Variants in RFX1 observed in about 807,000 individuals in gnomAD.
RFX1 encodes regulatory factor X1.
A neutral mutation model predicts 119.6 loss-of-function variants in RFX1; 42 were observed. The ratio of observed to expected loss-of-function variants is 0.35; its 90% CI spans 0.27 to 0.45. The LOEUF (loss-of-function observed/expected upper bound fraction) is 0.45. RFX1 is among the 20% of genes least tolerant of loss of function. The pLI is 1.00. For synonymous variants in RFX1, 628 were observed against 618.5 expected, an observed-to-expected ratio of 1.02 and a Z score of -0.23; for missense variants, 1,118 against 1,368.1, an observed-to-expected ratio of 0.82 and a Z score of 2.88.
chr19:13,963,951 G>T lies in RFX1; in HGVS notation c.2268C>A (p.His756Gln). The T allele has an allele frequency of 6.5e-7, 1 of 1,543,934 alleles. No homozygotes were observed. ...QTLRRYTSLN[H>Q]LAQAARAVLQ... ...GCACAGCGCGCGCCGCCTGCGCCAG[G>T]TGGTTGAGCGACGTGTAGCGCCGCA... The change falls in exon 17 of 21, where the codon CAC becomes CAA. Residue 756 changes from histidine to glutamine, a missense_variant. By Grantham distance (24) the His-to-Gln change is conservative. Transcript: ENST00000254325.
chr19:13,964,441 C>T (rs1334461559), intron 16 of RFX1, among the ~76,000 whole-genome samples: 6 of 151,046 alleles, frequency 4.0e-5, no homozygotes, highest in Non-Finnish European at 5.9e-5. Context: ...GAGGGCACTG[C>T]ACAGAAAGGG....
At chr19:13,979,379 C>T in intron 7 of RFX1, 68 bp downstream of exon 7, 1 of 1,081,972 alleles carries the variant, frequency 9.2e-7, no homozygotes, top group Admixed American at 2.5e-5. Flanking sequence ...GCCTCAGGGG[C>T]CTGCACTCCC....
At chr19:13,984,412 C>T (rs767156790) in intron 2 of RFX1, among the ~76,000 whole-genome samples, 7 of 152,224 alleles carry the variant, frequency 4.6e-5, no homozygotes, top group South Asian at 2.1e-4. Context: ...CCCAGCAAAG[C>T]GGGGCCTTCG....
chr19:13,989,898 G>A (rs909215113), intron 2 of RFX1, among the ~76,000 whole-genome samples: 7 of 152,044 alleles, frequency 4.6e-5, no homozygotes, highest in Non-Finnish European at 7.3e-5. Context: ...AGGTGGAGCC[G>A]AGAGGTCTTA....
intron 1 of RFX1, among the ~76,000 whole-genome samples, chr19:13,995,709 G>A (rs1281438690): frequency 6.6e-6 from 1 of 152,026 alleles, no homozygotes; most frequent in Non-Finnish European, 1.5e-5. Context: ...AAATCAGCTG[G>A]GCATGGTGGC....
rs1399455365 is a variant in RFX1 at position 13,986,708 on chromosome 19, A to G, written c.320-3113T>C. Among the ~76,000 whole-genome samples the G allele has an allele frequency of 3.3e-5, 5 of 152,146 alleles. No individual in the cohort carries two copies. The highest frequency in any genetic ancestry group is 1.2e-4 in the African/African-American group (5 of 41,440). ...GATTTCCTGTCTCTGAATCTGACAC[A>G]TTAACATCTCTGAGCAGTGGAATGA... On this transcript the variant is annotated intron_variant, in intron 2 of 20. Transcript: ENST00000254325. The surrounding 1 kb of genome is among the most constrained non-coding windows in gnomAD (Gnocchi z 4.2).
intron 9 of RFX1, among the ~76,000 whole-genome samples, chr19:13,970,377 T>C (rs1423370273): frequency 6.6e-6 from 1 of 151,696 alleles, no homozygotes; most frequent in East Asian, 1.9e-4. Context: ...AGTTGCCATG[T>C]ATAGCTAAAT....
chr19:13,973,157 CAG>C, intron 8 of RFX1, 30 bp from the exon 9 acceptor site: 4 of 1,559,978 alleles, frequency 2.6e-6, no homozygotes, highest in African/African-American at 1.4e-5. Context: ...AAGGGAGAGT[CAG>C]GGGGATGAGA....
rs1599475980 is a variant in RFX1 at position 13,966,978 on chromosome 19, C to T, written c.1733-227G>A. Among the ~76,000 whole-genome samples the T allele has an allele frequency of 6.6e-6, 1 of 152,174 alleles. No homozygotes were observed. The highest frequency in any genetic ancestry group is 1.5e-5 in the Non-Finnish European group (1 of 68,016). On this transcript the variant is annotated intron_variant, in intron 12 of 20. Transcript: ENST00000254325. This position sits in a 1 kb window ranked among gnomAD's most constrained non-coding sequence, Gnocchi z 6.3. ...GTCTTGTGCCAGCCCTGCCTGTCTG[C>T]TGAGTAACAGCACTGCACCAACCCT...
At chr19:13,984,031 T>C (rs1974520011) in intron 2 of RFX1, among the ~76,000 whole-genome samples, 1 of 151,170 alleles carries the variant, frequency 6.6e-6, no homozygotes, top group Non-Finnish European at 1.5e-5. Context: ...TTCCCGGGAG[T>C]GGAAGCTGCT....
At chr19:13,991,999 G>T (rs1974822782) in intron 2 of RFX1, among the ~76,000 whole-genome samples, 1 of 152,026 alleles carries the variant, frequency 6.6e-6, no homozygotes, top group African/African-American at 2.4e-5. Context: ...ATGACCTGAT[G>T]GTCCCCAATC....
chr19:13,963,420 G>C (rs1973782641), intron 18 of RFX1, 118 bp downstream of exon 18: 1 of 1,425,164 alleles, frequency 7.0e-7, no homozygotes, highest in Admixed American at 2.1e-5. Flanking sequence ...ATGAGCCCAG[G>C]GCCCCAGCCT....
rs372275031 is a variant in RFX1 at position 13,993,675 on chromosome 19, C to T, written c.169G>A (p.Glu57Lys). 66 of 1,389,564 alleles carry T rather than the reference C, an allele frequency of 4.7e-5. No homozygotes were observed. In the African/African-American group the frequency reaches 5.5e-4, roughly 12 times the overall value. 86.1% of individuals were successfully genotyped at this position (1,389,564 alleles called of 1,614,324 possible). Reference protein sequence around the residue: ...AATPQPQYVTELQSPQPQAQP... With the variant: ...AATPQPQYVTKLQSPQPQAQP... ...GCCTGGGGCTGGGGGCTCTGCAGCT[C>T]GGTGACATATTGGGGCTGAGGGGTG... Residue 57 changes from glutamate (E) to lysine (K), a missense_variant, in exon 2 of 21, where the codon GAG becomes AAG. Glu to Lys is a moderately conservative substitution (Grantham distance 56, BLOSUM62 1). Coordinates refer to ENST00000254325, the MANE Select transcript of RFX1 (RefSeq NM_002918.5).
At chr19:13,963,794 C>A in intron 17 of RFX1, 48 bp from the exon 18 acceptor site, 1 of 1,495,818 alleles carries the variant, frequency 6.7e-7, no homozygotes, top group African/African-American at 1.4e-5. Flanking sequence ...CCGCCGTCAC[C>A]CCCGCCTGGC....
rs752714200 is a variant in RFX1 at position 13,964,401 on chromosome 19, TA to T, written c.2212-395del. On this transcript the variant is annotated intron_variant, in intron 16 of 20. Transcript: ENST00000254325. The stretch of plus-strand genomic sequence containing the variant: ...CCAGGAAAGGCCTTTTTTTTTTTTT[TA>T]AAAACGAAAGAACACAATAGATAAT... 7.1e-4 allele frequency among the ~76,000 whole-genome samples: 106 copies of T among 148,582 alleles called. 1 individual carries two copies. Among genetic ancestry groups the T allele is most frequent in the Non-Finnish European group, 7.1e-4 (48 of 67,156 alleles).
At chr19:13,973,784 C>A (rs1974167580) in intron 8 of RFX1, among the ~76,000 whole-genome samples, 1 of 152,124 alleles carries the variant, frequency 6.6e-6, no homozygotes, top group Admixed American at 6.5e-5. Context: ...GGCTCACCAC[C>A]ACACCAGGTT....
Position 13,966,566 on chromosome 19 carries a change from G to A in RFX1, c.1852-36C>T. The A allele has an allele frequency of 6.6e-7, 1 of 1,526,624 alleles. No individual in the cohort carries two copies. Among genetic ancestry groups the A allele is most frequent in the Non-Finnish European group, 8.9e-7 (1 of 1,121,406 alleles). The allele number at this position is 1,526,624 out of a possible 1,614,324, so 94.6% of individuals were successfully genotyped here. A position where few individuals can be genotyped will look rare whatever the true frequency, so the allele number is the denominator to read the frequency against. ...GGCGGATGCTCAGGGAGGCTGGGGG[G>A]CAGCATGGCCCTCCCATGCCCGTGG... On this transcript the variant is annotated intron_variant, in intron 13 of 20. Coordinates refer to ENST00000254325, the MANE Select transcript of RFX1 (RefSeq NM_002918.5). The surrounding 1 kb of genome is among the most constrained non-coding windows in gnomAD (Gnocchi z 6.3).
At position 13,969,902 on chromosome 19, in the gene RFX1, A is replaced by C. The variant is rs1406552208; in HGVS notation, c.1496+92T>G. The stretch of plus-strand genomic sequence containing the variant: ...GCAGAGGCCGGCGGGACTGGGCTGG[A>C]CTGGACTGCCTGAGATGACTCGGAG... On this transcript the variant is annotated intron_variant, in intron 10 of 20. Transcript: ENST00000254325. This position sits in a 1 kb window ranked among gnomAD's most constrained non-coding sequence, Gnocchi z 4.5. 3 of 1,335,938 alleles carry C rather than the reference A, an allele frequency of 2.2e-6. No individual in the cohort carries two copies. The highest frequency in any genetic ancestry group is 3.1e-6 in the Non-Finnish European group (3 of 977,980). 82.8% of individuals were successfully genotyped at this position (1,335,938 alleles called of 1,614,324 possible).
chr19:13,973,482 C>T (rs1974155932), intron 8 of RFX1, among the ~76,000 whole-genome samples: 1 of 152,148 alleles, frequency 6.6e-6, no homozygotes, highest in South Asian at 2.1e-4. Flanking sequence ...CATGCTGGTG[C>T]ACACCTGCAA....
Sources: gnomAD v4.1 joint callset for allele counts (sites outside exome capture counted in the v4.1 genomes callset) on GRCh38, gnomAD v4.1.1 for gene constraint, Gnocchi (gnomAD v3.1) non-coding constraint, MANE v1.5 for transcripts, NCBI Gene and HGNC (gene_info 2026-07-23, HGNC 2026-07-21) for gene names.